OR13A1: variants seen among roughly 807,000 people sequenced by gnomAD.
OR13A1 encodes olfactory receptor 13A1.
Under a neutral mutation model 7.5 loss-of-function variants are expected in OR13A1, and 10 were observed. That is an observed-to-expected ratio of 1.34 (90% CI 0.83 to 2.27). The LOEUF is 2.27. Ranked by LOEUF, OR13A1 falls within the 30% of genes most tolerant of loss-of-function variation. OR13A1 has a pLI of 0.00. For missense variants in OR13A1, 509 were observed against 419.1 expected (o/e 1.21, Z -1.87); for synonymous variants, 238 against 177.9 (o/e 1.34, Z -2.69).
chr10:45,313,262 A>T (rs1307794871), intron 1 of OR13A1, among the ~76,000 whole-genome samples: 1 of 152,060 alleles, frequency 6.6e-6, no homozygotes, highest in Non-Finnish European at 1.5e-5. Context: ...TTCTTATGGT[A>T]ACCATAAAAA....
In OR13A1 at chr10:45,307,944, A is replaced by G. The variant is rs551080669; in HGVS notation, c.-224-136T>C. 6.6e-5 allele frequency: 10 copies of G among 152,374 alleles called. No individual in the cohort carries two copies. In the South Asian group the frequency reaches 2.1e-3, roughly 32 times the overall value. 9.4% of individuals were successfully genotyped at this position (152,374 alleles called of 1,614,324 possible). On this transcript the variant is annotated intron_variant, in intron 1 of 3. Transcript: ENST00000553795. ...AAAGACAAATTATATTTTACATAAA[A>G]TACAATTTACTTGTAGTGAGATTAT...
At chr10:45,308,988 C>T (rs1838390558) in intron 1 of OR13A1, 1 of 152,188 alleles carries the variant, frequency 6.6e-6, no homozygotes. Context: ...TCTAAGTGGA[C>T]CCTGAAGGAG....
intron 1 of OR13A1, among the ~76,000 whole-genome samples, chr10:45,312,466 A>C (rs1838462432): frequency 6.6e-6 from 1 of 152,060 alleles, no homozygotes; most frequent in African/African-American, 2.4e-5. Flanking sequence ...AAAGAAAAAA[A>C]CTGTCAATGT....
intron 1 of OR13A1, among the ~76,000 whole-genome samples, chr10:45,313,586 T>G (rs1838478580): frequency 6.6e-6 from 1 of 151,870 alleles, no homozygotes; most frequent in South Asian, 2.1e-4. Flanking sequence ...GTAAATGCCA[T>G]GCAAATGGTA....
chr10:45,306,840 G>C (rs549136344), intron 3 of OR13A1, among the ~76,000 whole-genome samples: 2 of 152,334 alleles, frequency 1.3e-5, no homozygotes, highest in South Asian at 4.1e-4. Flanking sequence ...TTGAGTGGAA[G>C]TAATAAATAC....
At chr10:45,304,516 A>G in intron 3 of OR13A1, 82 bp from the exon 4 acceptor site, 1 of 1,170,204 alleles carries the variant, frequency 8.5e-7, no homozygotes, top group East Asian at 2.4e-5. Flanking sequence ...TGAAAGATAG[A>G]GATGCATTAG....
At chr10:45,312,943 T>C (rs1838468597) in intron 1 of OR13A1, among the ~76,000 whole-genome samples, 1 of 152,056 alleles carries the variant, frequency 6.6e-6, no homozygotes, top group Non-Finnish European at 1.5e-5. Context: ...TGCTAAATAG[T>C]AACATGAAGT....
rs547167298 is a variant in OR13A1, at chr10:45,309,975, G to A, written c.-224-2167C>T. 2.5e-3 allele frequency among the ~76,000 whole-genome samples: 382 copies of A among 152,118 alleles called. 1 individual carries two copies. The highest frequency in any genetic ancestry group is 8.8e-3 in the African/African-American group (365 of 41,494). The stretch of plus-strand genomic sequence containing the variant: ...ATACCTACCTTCAGAATTTTTGCGG[G>A]GACTAAATAAGATGACGTACATGAA... On this transcript the variant is annotated intron_variant, in intron 1 of 3. Transcript: ENST00000553795.
chr10:45,302,448 T>A (rs1044765258), downstream of OR13A1: 5 of 152,204 alleles, frequency 3.3e-5, no homozygotes, highest in Non-Finnish European at 1.5e-5. Flanking sequence ...AATACTTGAG[T>A]CAATGAGCTT....
chr10:45,307,592 C>A (rs555364120), intron 2 of OR13A1, 25 bp from the exon 3 acceptor site: 1 of 152,316 alleles, frequency 6.6e-6, no homozygotes, highest in African/African-American at 2.4e-5. Context: ...AGACCTTGCT[C>A]CCTTGAGTTT....
In OR13A1 at chr10:45,311,891, GA is replaced by G. The variant is rs150075189; in HGVS notation, c.-225+3632del. On this transcript the variant is annotated intron_variant, in intron 1 of 3. Transcript: ENST00000553795. ...TATTTCATATGCTCAAGAAGCTAGA[GA>G]AAAGACTTAGCATATCAAATAGAGA... is the stretch of plus-strand genomic sequence containing the variant. Among the ~76,000 whole-genome samples the G allele has an allele frequency of 8.9e-3, 1,356 of 152,174 alleles. 11 individuals carry two copies. Among genetic ancestry groups the G allele is most frequent in the Non-Finnish European group, 0.015 (991 of 67,972 alleles).
In OR13A1 at chr10:45,303,496, A is replaced by G; in HGVS notation, c.927T>C (p.Thr309=). ...LSPTLNPLIY[T]LRNKEVKAAL... Reference sequence around the variant, plus strand: ...CTGCTTTGACCTCCTTGTTTCTCAAAGTATAGATGAGGGGGTTGAGGGTAG... The same window carrying G: ...CTGCTTTGACCTCCTTGTTTCTCAAGGTATAGATGAGGGGGTTGAGGGTAG... The change falls in exon 4 of 4, where the codon ACT becomes ACC. Residue 309 remains threonine, a synonymous_variant. Coordinates refer to ENST00000553795, the MANE Select transcript of OR13A1 (RefSeq NM_001004297.3). 6.2e-7 allele frequency: 1 copy of G among 1,612,684 alleles called. No homozygotes were observed.
In OR13A1 at chr10:45,303,981, G is replaced by T. The variant is rs1410363799; in HGVS notation, c.442C>A (p.Leu148Met). ...YDRYAAICHPLHYSSMMSKVF... is the reference protein window; with the variant it reads ...YDRYAAICHPMHYSSMMSKVF... ...TTGCTCATCATGCTGCTGTAATGCA[G>T]CGGGTGGCAGATGGCTGCGTACCGG... Residue 148 changes from leucine (L) to methionine (M), a missense_variant, in exon 4 of 4, where the codon CTG becomes ATG. Transcript: ENST00000553795. 1.2e-6 allele frequency: 2 copies of T among 1,612,832 alleles called. No homozygotes were observed. Among genetic ancestry groups the T allele is most frequent in the Admixed American group, 3.3e-5 (2 of 59,924 alleles).
intron 3 of OR13A1, among the ~76,000 whole-genome samples, chr10:45,305,143 G>A (rs1007597410): frequency 6.6e-6 from 1 of 152,024 alleles, no homozygotes. Flanking sequence ...GCTGAGGCAG[G>A]AGAATCGCTT....
At chr10:45,313,959 T>A (rs1476637663) in intron 1 of OR13A1, among the ~76,000 whole-genome samples, 1 of 152,176 alleles carries the variant, frequency 6.6e-6, no homozygotes, top group African/African-American at 2.4e-5. Flanking sequence ...AGAATAGTAT[T>A]TTTCTCAAGT....
chr10:45,313,950 GA>G (rs1838483420), intron 1 of OR13A1, among the ~76,000 whole-genome samples: 1 of 142,968 alleles, frequency 7.0e-6, no homozygotes, highest in Admixed American at 6.7e-5. Flanking sequence ...AATAAAATCA[GA>G]ATAGTATTTT....
At chr10:45,314,938 G>A (rs865998359) in intron 1 of OR13A1, among the ~76,000 whole-genome samples, 1 of 152,054 alleles carries the variant, frequency 6.6e-6, no homozygotes, top group Non-Finnish European at 1.5e-5. Context: ...ACAAACAACA[G>A]CCCAGAACCG....
At chr10:45,309,975 G>C (rs547167298) in intron 1 of OR13A1, among the ~76,000 whole-genome samples, 1 of 152,000 alleles carries the variant, frequency 6.6e-6, no homozygotes, top group African/African-American at 2.4e-5. Flanking sequence ...ATTTTTGCGG[G>C]GACTAAATAA....
intron 1 of OR13A1, among the ~76,000 whole-genome samples, chr10:45,313,919 CAT>C (rs1007281315): frequency 7.2e-5 from 11 of 151,792 alleles, no homozygotes; most frequent in Non-Finnish European, 1.2e-4. Context: ...TGCTAACAAA[CAT>C]GTGCAGAACA....
Sources: allele counts gnomAD v4.1 joint callset (sites outside exome capture counted in the v4.1 genomes callset), GRCh38; gene constraint gnomAD v4.1.1; transcripts MANE v1.5; gene names NCBI Gene and HGNC (gene_info 2026-07-23, HGNC 2026-07-21).